The following DERL3 variants were observed in gnomAD, a reference collection of about 807,000 sequenced individuals.
DERL3 encodes derlin 3, also known as derlin-3.
In DERL3, 20 loss-of-function variants were observed where a neutral mutation model predicts 23.8. The ratio of observed to expected loss-of-function variants is 0.84; its 90% CI spans 0.59 to 1.22. The LOEUF is 1.22. Among genes scored for constraint, DERL3 ranks in the 50% most tolerant of loss-of-function variants. The pLI is 0.00. For missense variants in DERL3, 319 were observed against 304.1 expected (o/e 1.05, Z -0.36); for synonymous variants, 145 against 132.5 (o/e 1.09, Z -0.65).
chr22:23,837,440 G>T, intron 5 of DERL3: 1 of 649,476 alleles, frequency 1.5e-6, no homozygotes, highest in Non-Finnish European at 2.6e-6. Flanking sequence ...CATCAGGACC[G>T]TGCAAGCATC....
chr22:23,836,663 G>T lies in DERL3; in HGVS notation c.*206C>A. On this transcript the variant is annotated 3_prime_UTR_variant, in exon 7 of 7. Transcript: ENST00000318109. ...CAGTTGGGCTGAGAGGCCACACTGA[G>T]TGAGGACGGGGCAGGCATAGAAGGA... The T allele has an allele frequency of 7.9e-7, 1 of 1,269,012 alleles. No homozygotes were observed. Among genetic ancestry groups the T allele is most frequent in the Non-Finnish European group, 9.9e-7 (1 of 1,012,974 alleles). 78.6% of individuals were successfully genotyped at this position (1,269,012 alleles called of 1,614,324 possible).
chr22:23,835,325 CAGATCCGGGCA>C lies in DERL3; in HGVS notation c.*1533_*1543del. 1 of 1,008,240 alleles carries C rather than the reference CAGATCCGGGCA, an allele frequency of 9.9e-7. No homozygotes were observed. Among genetic ancestry groups the C allele is most frequent in the Non-Finnish European group, 1.2e-6 (1 of 845,512 alleles). The allele number at this position is 1,008,240 out of a possible 1,614,324, so 62.5% of individuals were successfully genotyped here. ...CCAGCCTTACTGAAGAGAATGGGCA[CAGATCCGGGCA>C]CAGATCCCAGCACAGACTGCTGCCA... On this transcript the variant is annotated 3_prime_UTR_variant, in exon 7 of 7. Coordinates refer to ENST00000318109, the MANE Select transcript of DERL3 (RefSeq NM_001002862.3).
chr22:23,835,137 C>G lies in DERL3; in HGVS notation c.*1732G>C. 1 of 1,368,936 alleles carries G rather than the reference C, an allele frequency of 7.3e-7. No individual in the cohort carries two copies. Among genetic ancestry groups the G allele is most frequent in the Non-Finnish European group, 9.4e-7 (1 of 1,064,234 alleles). The allele number at this position is 1,368,936 out of a possible 1,614,324, so 84.8% of individuals were successfully genotyped here. On this transcript the variant is annotated 3_prime_UTR_variant, in exon 7 of 7. Transcript: ENST00000318109. ...TAGCCCTCCCGGCCTGGTGCCAGCT[C>G]TTGGAGTTGACACGGTACAGGGAGG... is the stretch of plus-strand genomic sequence containing the variant.
chr22:23,836,994 C>A, intron 6 of DERL3, 32 bp from the exon 7 acceptor site: 1 of 1,610,650 alleles, frequency 6.2e-7, no homozygotes, highest in Non-Finnish European at 8.5e-7. Flanking sequence ...GAGCACAGGC[C>A]AGCACAGGTC....
Position 23,838,745 on chromosome 22 carries a change from T to C in DERL3, c.125A>G (p.Tyr42Cys), listed in dbSNP as rs921378054. The C allele has an allele frequency of 1.3e-6, 2 of 1,550,784 alleles. No homozygotes were observed. The highest frequency in any genetic ancestry group is 1.4e-5 in the African/African-American group (1 of 72,866). ...CCGGAACACAAGGTGCGGGTTGAAG[T>C]AGAGTTGAAAGGGGCTGAGGAGCTC... ...QLELLSPFQL[Y>C]FNPHLVFRKF... The change falls in exon 2 of 7, where the codon TAC (tyrosine) becomes TGC (cysteine). Residue 42 changes from tyrosine to cysteine, a missense_variant. By Grantham distance (194) the Tyr-to-Cys change is radical. Transcript: ENST00000318109.
Position 23,836,810 on chromosome 22 carries a change from G to A in DERL3, c.*59C>T, listed in dbSNP as rs2031082734. On this transcript the variant is annotated 3_prime_UTR_variant, in exon 7 of 7. Coordinates refer to ENST00000318109, the MANE Select transcript of DERL3 (RefSeq NM_001002862.3). ...GGATGGGTTTTTTCTGCCCCAAGTAGGGGTCATGGGTAGGATGGAAGCTGC... is the reference window on the plus strand; with the variant it reads ...GGATGGGTTTTTTCTGCCCCAAGTAAGGGTCATGGGTAGGATGGAAGCTGC... The A allele has an allele frequency of 7.0e-7, 1 of 1,424,184 alleles. No homozygotes were observed. The highest frequency in any genetic ancestry group is 9.2e-7 in the Non-Finnish European group (1 of 1,088,088). 88.2% of individuals were successfully genotyped at this position (1,424,184 alleles called of 1,614,324 possible).
At position 23,835,786 on chromosome 22, in the gene DERL3, A is replaced by G. The variant is rs923143561; in HGVS notation, c.*1083T>C. ...GCCCTGTGTCTCCACAACTGGGGGG[A>G]TGGAAGGAACCTTGGCTGCCTCACC... is the stretch of plus-strand genomic sequence containing the variant. On this transcript the variant is annotated 3_prime_UTR_variant, in exon 7 of 7. Coordinates refer to ENST00000318109, the MANE Select transcript of DERL3 (RefSeq NM_001002862.3). 5.1e-6 allele frequency: 5 copies of G among 985,226 alleles called. No homozygotes were observed. Among genetic ancestry groups the G allele is most frequent in the Non-Finnish European group, 3.6e-6 (3 of 829,924 alleles). 61.0% of individuals were successfully genotyped at this position (985,226 alleles called of 1,614,324 possible). A position where few individuals can be genotyped will look rare whatever the true frequency, so the allele number is the denominator to read the frequency against.
Position 23,835,512 on chromosome 22 carries a change from G to A in DERL3, c.*1357C>T, listed in dbSNP as rs1266789973. On this transcript the variant is annotated 3_prime_UTR_variant, in exon 7 of 7. Coordinates refer to ENST00000318109, the MANE Select transcript of DERL3 (RefSeq NM_001002862.3). ...CTTGGTCGCTGAGATGTGAGAGGAGGGCTCCTTTGAGCACATGTTAGCATG... is the reference window on the plus strand; with the variant it reads ...CTTGGTCGCTGAGATGTGAGAGGAGAGCTCCTTTGAGCACATGTTAGCATG... The A allele has an allele frequency of 1.0e-6, 1 of 985,430 alleles. No individual in the cohort carries two copies. The highest frequency in any genetic ancestry group is 1.7e-5 in the African/African-American group (1 of 57,234). 61.0% of individuals were successfully genotyped at this position (985,430 alleles called of 1,614,324 possible). A position where few individuals can be genotyped will look rare whatever the true frequency, so the allele number is the denominator to read the frequency against.
chr22:23,837,501 G>C lies in DERL3; in HGVS notation c.523+158C>G, dbSNP rs73881840. ...TTATGTGGGCCGGCTGGCTTGAGGG[G>C]CTGTAAGAGCACAGCAGCTGGGAGG... On this transcript the variant is annotated intron_variant, in intron 5 of 6. Coordinates refer to ENST00000318109, the MANE Select transcript of DERL3 (RefSeq NM_001002862.3). 3,347 of 781,562 alleles carry C rather than the reference G, an allele frequency of 4.3e-3. 79 individuals carry two copies. In the African/African-American group the frequency reaches 0.049, roughly 12 times the overall value. 48.4% of individuals were successfully genotyped at this position (781,562 alleles called of 1,614,324 possible). A position where few individuals can be genotyped will look rare whatever the true frequency, so the allele number is the denominator to read the frequency against.
At position 23,834,586 on chromosome 22, in the gene DERL3, G is replaced by A. The variant is rs551586310; in HGVS notation, c.*2283C>T. The A allele has an allele frequency of 2.8e-6, 2 of 708,080 alleles. No homozygotes were observed. The highest frequency in any genetic ancestry group is 2.7e-5 in the East Asian group (1 of 37,112). 43.9% of individuals were successfully genotyped at this position (708,080 alleles called of 1,614,324 possible). On this transcript the variant is annotated 3_prime_UTR_variant, in exon 7 of 7. Transcript: ENST00000318109. Reference sequence around the variant, plus strand: ...AGAGCCAGGAGTGGGGCCGGGGCCTGGGGGGACGAAGGTGGTATGTGAACA... The same window carrying A: ...AGAGCCAGGAGTGGGGCCGGGGCCTAGGGGGACGAAGGTGGTATGTGAACA...
rs778571548 is a variant in DERL3 at position 23,838,913 on chromosome 22, G to A, written c.75C>T (p.Val25=). The A allele has an allele frequency of 5.7e-6, 9 of 1,571,782 alleles. No individual in the cohort carries two copies. The highest frequency in any genetic ancestry group is 2.7e-5 in the African/African-American group (2 of 74,220). ...CGCTTACCACCGCGGCGGTGGTGAG[G>A]ACACAGGCTGCGGTGTAAGCCCGCG... ...AVTRAYTAAC[V]LTTAAVQLEL... is the part of the protein sequence containing the mutation. Residue 25 remains valine, a synonymous_variant, in exon 1 of 7, where the codon GTC becomes GTT. Transcript: ENST00000318109.
At position 23,835,801 on chromosome 22, in the gene DERL3, G is replaced by A; in HGVS notation, c.*1068C>T. ...AACTGGGGGGATGGAAGGAACCTTG[G>A]CTGCCTCACCCCACAGGTCGGGCAG... is the stretch of plus-strand genomic sequence containing the variant. On this transcript the variant is annotated 3_prime_UTR_variant, in exon 7 of 7. Transcript: ENST00000318109. 1.0e-6 allele frequency: 1 copy of A among 985,502 alleles called. No individual in the cohort carries two copies. Among genetic ancestry groups the A allele is most frequent in the African/African-American group, 1.7e-5 (1 of 57,378 alleles). 61.0% of individuals were successfully genotyped at this position (985,502 alleles called of 1,614,324 possible). A position where few individuals can be genotyped will look rare whatever the true frequency, so the allele number is the denominator to read the frequency against.
Position 23,838,934 on chromosome 22 carries a change from C to T in DERL3, c.54G>A (p.Arg18=), listed in dbSNP as rs1357611548. Residue 18 remains arginine, a synonymous_variant, in exon 1 of 7, where the codon CGG becomes CGA. Coordinates refer to ENST00000318109, the MANE Select transcript of DERL3 (RefSeq NM_001002862.3). ...TGAGGACACAGGCTGCGGTGTAAGC[C>T]CGCGTCACCGCCGGCACCTGCAGGA... ...AEFLQVPAVT[R]AYTAACVLTT... 3.8e-6 allele frequency: 6 copies of T among 1,580,222 alleles called. No homozygotes were observed. Among genetic ancestry groups the T allele is most frequent in the Admixed American group, 3.7e-5 (2 of 54,762 alleles).
In DERL3 at chr22:23,838,608, G is replaced by A. The variant is rs768511196; in HGVS notation, c.189C>T (p.Phe63=). The change falls in exon 3 of 7, where the codon TTC becomes TTT. Residue 63 remains phenylalanine, a synonymous_variant. Coordinates refer to ENST00000318109, the MANE Select transcript of DERL3 (RefSeq NM_001002862.3). ...AGAAGCTGAATCCCAGGGGCCCGAA[G>A]AAGAGGAAGTTGGTGACGAGCCTCC... ...QVWRLVTNFL[F]FGPLGFSFFF... is the part of the protein sequence containing the mutation. 6.4e-6 allele frequency: 10 copies of A among 1,553,790 alleles called. No individual in the cohort carries two copies. In the East Asian group the frequency reaches 7.4e-5, roughly 11 times the overall value.
Position 23,836,663 on chromosome 22 carries a change from G to C in DERL3, c.*206C>G, listed in dbSNP as rs2031071980. On this transcript the variant is annotated 3_prime_UTR_variant, in exon 7 of 7. Coordinates refer to ENST00000318109, the MANE Select transcript of DERL3 (RefSeq NM_001002862.3). ...CAGTTGGGCTGAGAGGCCACACTGA[G>C]TGAGGACGGGGCAGGCATAGAAGGA... 7.9e-7 allele frequency: 1 copy of C among 1,268,894 alleles called. No homozygotes were observed. The highest frequency in any genetic ancestry group is 1.5e-5 in the African/African-American group (1 of 64,616). The allele number at this position is 1,268,894 out of a possible 1,614,324, so 78.6% of individuals were successfully genotyped here. A position where few individuals can be genotyped will look rare whatever the true frequency, so the allele number is the denominator to read the frequency against.
intron 6 of DERL3, 33 bp from the exon 7 acceptor site, chr22:23,836,995 A>G (rs774324884): frequency 3.7e-6 from 6 of 1,610,404 alleles, no homozygotes; most frequent in Middle Eastern, 3.3e-4. Flanking sequence ...AGCACAGGCC[A>G]GCACAGGTCC....
At position 23,836,466 on chromosome 22, in the gene DERL3, G is replaced by C. The variant is rs1216845909; in HGVS notation, c.*403C>G. The C allele has an allele frequency of 1.0e-6, 1 of 996,770 alleles. No homozygotes were observed. The highest frequency in any genetic ancestry group is 1.2e-6 in the Non-Finnish European group (1 of 838,016). 61.7% of individuals were successfully genotyped at this position (996,770 alleles called of 1,614,324 possible). ...TCCCCGCTGACTGGCAGGTAGCAGA[G>C]GCCTATGGTGGGCAGGACTTGCCCA... On this transcript the variant is annotated 3_prime_UTR_variant, in exon 7 of 7. Transcript: ENST00000318109.
rs1218266781 is a variant in DERL3 at position 23,838,789 on chromosome 22, G to A, written c.94-13C>T. 6 of 1,551,366 alleles carry A rather than the reference G, an allele frequency of 3.9e-6. No homozygotes were observed. In the South Asian group the frequency reaches 5.9e-5, roughly 15 times the overall value. ...GGAGCTCCAGCTGCTGTGGAACCAG[G>A]GGCCAGTCAAGAGCTGCCCGGGAGC... On this transcript the variant is annotated splice_polypyrimidine_tract_variant and intron_variant, in intron 1 of 6. Coordinates refer to ENST00000318109, the MANE Select transcript of DERL3 (RefSeq NM_001002862.3).
rs1041917315 is a variant in DERL3 at position 23,836,131 on chromosome 22, A to G, written c.*738T>C. ...CACGTCCTCAGCTAAAAAGGGCAGGAACAGAACCTTCCAGAAGTCCCTGCC... is the reference window on the plus strand; with the variant it reads ...CACGTCCTCAGCTAAAAAGGGCAGGGACAGAACCTTCCAGAAGTCCCTGCC... On this transcript the variant is annotated 3_prime_UTR_variant, in exon 7 of 7. Transcript: ENST00000318109. The G allele has an allele frequency of 1.2e-5, 12 of 985,312 alleles. No individual in the cohort carries two copies. The African/African-American group carries it at 1.9e-4, about 16-fold the overall frequency. The allele number at this position is 985,312 out of a possible 1,614,324, so 61.0% of individuals were successfully genotyped here.
Sources: allele counts gnomAD v4.1 joint callset, GRCh38; gene constraint gnomAD v4.1.1; transcripts MANE v1.5; gene names NCBI Gene and HGNC (gene_info 2026-07-23, HGNC 2026-07-21).